FLRT2: variants seen among roughly 807,000 people sequenced by gnomAD.
FLRT2 encodes fibronectin leucine rich transmembrane protein 2.
A neutral mutation model predicts 40.0 loss-of-function variants in FLRT2; 15 were observed. The ratio of observed to expected loss-of-function variants is 0.38; its 90% CI spans 0.25 to 0.58. The LOEUF (loss-of-function observed/expected upper bound fraction) is 0.58, where lower values mean the gene tolerates loss of function less well. Ranked by LOEUF, FLRT2 falls within the 20% of genes least tolerant of loss-of-function variation. The probability of loss-of-function intolerance (pLI) is 0.71; values close to 1 mark genes in which losing one functional copy is unlikely to be tolerated. For missense variants in FLRT2, 726 were observed against 840.0 expected (o/e 0.86, Z 1.68); for synonymous variants, 380 against 336.8 (o/e 1.13, Z -1.41).
chr14:85,604,351 A>G (rs1184284542), intron 1 of FLRT2, among the ~76,000 whole-genome samples: 4 of 152,048 alleles, frequency 2.6e-5, no homozygotes, highest in African/African-American at 7.2e-5. Context: ...TTCAACATTT[A>G]TATATTGCCT....
chr14:85,582,951 T>A (rs934630807), intron 1 of FLRT2, among the ~76,000 whole-genome samples: 31 of 152,002 alleles, frequency 2.0e-4, no homozygotes, highest in Non-Finnish European at 4.6e-4. Flanking sequence ...ATTGTTTGAT[T>A]TCACAGCTCT....
intron 1 of FLRT2, among the ~76,000 whole-genome samples, chr14:85,609,949 C>A (rs1223763233): frequency 6.6e-6 from 1 of 152,172 alleles, no homozygotes; most frequent in Non-Finnish European, 1.5e-5. Context: ...CTTCACCACA[C>A]ATAGAATAAT....
At chr14:85,566,227 C>T (rs1890608546) in intron 1 of FLRT2, among the ~76,000 whole-genome samples, 2 of 152,130 alleles carry the variant, frequency 1.3e-5, no homozygotes, top group South Asian at 2.1e-4. Flanking sequence ...GACCCACTAT[C>T]ACAATGATAC....
At chr14:85,544,742 T>C (rs1889182218) in intron 1 of FLRT2, among the ~76,000 whole-genome samples, 1 of 152,190 alleles carries the variant, frequency 6.6e-6, no homozygotes, top group Non-Finnish European at 1.5e-5. Flanking sequence ...AGTTGGACTT[T>C]AGGTTCTTCT....
chr14:85,557,457 T>C (rs1251829242), intron 1 of FLRT2, among the ~76,000 whole-genome samples: 2 of 152,080 alleles, frequency 1.3e-5, no homozygotes, highest in Non-Finnish European at 2.9e-5. Context: ...ATGGGGCACC[T>C]AGATTTTCAA....
intron 1 of FLRT2, among the ~76,000 whole-genome samples, chr14:85,544,914 T>A (rs1413769172): frequency 6.6e-6 from 1 of 152,154 alleles, no homozygotes; most frequent in African/African-American, 2.4e-5. Context: ...TTTCAGTGGC[T>A]GAAAAGAGTA....
intron 1 of FLRT2, among the ~76,000 whole-genome samples, chr14:85,618,681 G>A (rs1201041382): frequency 6.6e-6 from 1 of 152,168 alleles, no homozygotes; most frequent in East Asian, 1.9e-4. Flanking sequence ...TCTCAAAAGA[G>A]TCATGTAACA....
chr14:85,622,546 A>T lies in FLRT2; in HGVS notation c.1032A>T (p.Gln344His). Residue 344 changes from glutamine (Q) to histidine (H), a missense_variant, in exon 2 of 2, where the codon CAA becomes CAT. By Grantham distance (24) the Gln-to-His change is conservative (BLOSUM62 0). Transcript: ENST00000330753. ...VRGFMCQGPE[Q>H]VRGMAVRELN... ...GTTTCATGTGCCAAGGTCCTGAACAAGTCCGGGGGATGGCCGTCAGGGAAT... is the reference window on the plus strand; with the variant it reads ...GTTTCATGTGCCAAGGTCCTGAACATGTCCGGGGGATGGCCGTCAGGGAAT... The T allele has an allele frequency of 1.2e-6, 2 of 1,614,046 alleles. No homozygotes were observed. Among genetic ancestry groups the T allele is most frequent in the Non-Finnish European group, 1.7e-6 (2 of 1,180,032 alleles).
intron 1 of FLRT2, among the ~76,000 whole-genome samples, chr14:85,620,714 A>T (rs979505544): frequency 6.6e-6 from 1 of 152,070 alleles, no homozygotes. Flanking sequence ...TTTCCCCTTC[A>T]CTTTTGCTAG....
At position 85,550,038 on chromosome 14, in the gene FLRT2, GAA is replaced by G. The variant is rs5810259; in HGVS notation, c.-377+19515_-377+19516del. On this transcript the variant is annotated intron_variant, in intron 1 of 1. Coordinates refer to ENST00000330753, the MANE Select transcript of FLRT2 (RefSeq NM_013231.6). The stretch of plus-strand genomic sequence containing the variant: ...AACTCTTACAACCACTTATTTCTGG[GAA>G]AAAAAAAAAAGAAATATTTTCAGCC... 5.7e-3 allele frequency among the ~76,000 whole-genome samples: 842 copies of G among 147,154 alleles called. 6 individuals carry two copies. Among genetic ancestry groups the G allele is most frequent in the South Asian group, 0.014 (65 of 4,628 alleles).
At position 85,634,863 on chromosome 14, in the gene FLRT2, C is replaced by T. The variant is rs926727771; in HGVS notation, c.*11366C>T. 5 of 152,226 alleles carry T rather than the reference C, an allele frequency of 3.3e-5. No homozygotes were observed. Among genetic ancestry groups the T allele is most frequent in the African/African-American group, 1.2e-4 (5 of 41,540 alleles). The allele number at this position is 152,226 out of a possible 1,614,324, so 9.4% of individuals were successfully genotyped here. On this transcript the variant is annotated 3_prime_UTR_variant, in exon 2 of 2. Transcript: ENST00000330753. ...TGGATAAGACCACTTCTCTCTCGGG[C>T]TTGTTTCTTATAGTCAAAAGCGCAG... is the stretch of plus-strand genomic sequence containing the variant.
intron 1 of FLRT2, among the ~76,000 whole-genome samples, chr14:85,537,432 AC>A (rs1394511972): frequency 6.6e-6 from 1 of 152,140 alleles, no homozygotes; most frequent in Non-Finnish European, 1.5e-5. Context: ...AAGTTAAACA[AC>A]CATTATCTTA....
rs1359763622 is a variant in FLRT2, at chr14:85,632,781, G to A, written c.*9284G>A. 1.3e-5 allele frequency: 2 copies of A among 152,188 alleles called. No individual in the cohort carries two copies. Among genetic ancestry groups the A allele is most frequent in the Non-Finnish European group, 2.9e-5 (2 of 68,040 alleles). 9.4% of individuals were successfully genotyped at this position (152,188 alleles called of 1,614,324 possible). A position where few individuals can be genotyped will look rare whatever the true frequency, so the allele number is the denominator to read the frequency against. ...GCTTGTAAAGAAGGGAGTGGAGAGTGGTAGTTATTAAGAAATCAGTTTGAA... is the reference window on the plus strand; with the variant it reads ...GCTTGTAAAGAAGGGAGTGGAGAGTAGTAGTTATTAAGAAATCAGTTTGAA... On this transcript the variant is annotated 3_prime_UTR_variant, in exon 2 of 2. Coordinates refer to ENST00000330753, the MANE Select transcript of FLRT2 (RefSeq NM_013231.6).
At chr14:85,542,048 A>G (rs1054413357) in intron 1 of FLRT2, among the ~76,000 whole-genome samples, 7 of 152,218 alleles carry the variant, frequency 4.6e-5, no homozygotes, top group African/African-American at 1.4e-4. Flanking sequence ...ATTAGCATGT[A>G]AATTATCGTT....
intron 1 of FLRT2, among the ~76,000 whole-genome samples, chr14:85,594,762 G>A (rs889883507): frequency 3.9e-5 from 6 of 152,008 alleles, no homozygotes; most frequent in African/African-American, 1.2e-4. Flanking sequence ...TTAGGAACAC[G>A]GACCCTCTGC....
At chr14:85,570,807 G>A (rs1273573128) in intron 1 of FLRT2, among the ~76,000 whole-genome samples, 4 of 151,410 alleles carry the variant, frequency 2.6e-5, no homozygotes, top group East Asian at 2.0e-4. Context: ...GGATGTTCTC[G>A]AACTCCTGAC....
chr14:85,588,145 C>G (rs1256847131), intron 1 of FLRT2, among the ~76,000 whole-genome samples: 2 of 152,044 alleles, frequency 1.3e-5, no homozygotes, highest in African/African-American at 4.8e-5. Flanking sequence ...CTATTTGAGT[C>G]CCGAATCTTA....
At chr14:85,549,462 C>A (rs1031584595) in intron 1 of FLRT2, among the ~76,000 whole-genome samples, 1 of 152,132 alleles carries the variant, frequency 6.6e-6, no homozygotes, top group Non-Finnish European at 1.5e-5. Context: ...AATGAGCCAA[C>A]CCCTTCACGA....
At chr14:85,535,189 C>A (rs372459585) in intron 1 of FLRT2, among the ~76,000 whole-genome samples, 1 of 152,186 alleles carries the variant, frequency 6.6e-6, no homozygotes, top group Non-Finnish European at 1.5e-5. Context: ...GGTTTCAGGG[C>A]GCTTTGGAGC....
Sources: gnomAD v4.1 joint callset for allele counts (sites outside exome capture counted in the v4.1 genomes callset) on GRCh38, gnomAD v4.1.1 for gene constraint, MANE v1.5 for transcripts, NCBI Gene and HGNC (gene_info 2026-07-23, HGNC 2026-07-21) for gene names.